Variants in ANKRD6 observed in about 807,000 individuals in gnomAD.
ANKRD6 encodes the protein ankyrin repeat domain 6.
A neutral mutation model predicts 82.3 loss-of-function variants in ANKRD6; 56 were observed. That is an observed-to-expected ratio of 0.68 (90% CI 0.55 to 0.85). The LOEUF (loss-of-function observed/expected upper bound fraction) is 0.85, where lower values mean the gene tolerates loss of function less well. ANKRD6 is among the 40% of genes least tolerant of loss of function. The pLI, the probability that ANKRD6 is intolerant of heterozygous loss-of-function variation, is 0.00. For missense variants in ANKRD6, 852 were observed against 907.6 expected (o/e 0.94, Z 0.79); for synonymous variants, 347 against 352.1 (o/e 0.99, Z 0.16).
rs1461465869 is a variant in ANKRD6, at chr6:89,630,828, T to C, written c.2008T>C (p.Tyr670His). 2 of 1,613,808 alleles carry C rather than the reference T, an allele frequency of 1.2e-6. No homozygotes were observed. Among genetic ancestry groups the C allele is most frequent in the African/African-American group, 2.7e-5 (2 of 74,928 alleles). The part of the protein sequence containing the change: ...DTSQALELTQ[Y>H]FFEAVSTQME... The stretch of plus-strand genomic sequence containing the variant: ...CTCCCAAGCTCTGGAGCTTACCCAG[T>C]ATTTTTTTGAGGCTGTTTCTACCCA... Residue 670 changes from tyrosine (Y) to histidine (H), a missense_variant, in exon 16 of 16, where the codon TAT (tyrosine) becomes CAT (histidine). Tyr to His is a moderately conservative substitution (Grantham distance 83). Coordinates refer to ENST00000339746, the MANE Select transcript of ANKRD6 (RefSeq NM_001242809.2).
rs1465805366 is a variant in ANKRD6, at chr6:89,631,185, A to G, written c.*181A>G. ...TGCCCAGGAAGTTATGAAGACTTCAACAATTAAACTGAAACCAGGGGAAGC... is the reference window on the plus strand; with the variant it reads ...TGCCCAGGAAGTTATGAAGACTTCAGCAATTAAACTGAAACCAGGGGAAGC... On this transcript the variant is annotated 3_prime_UTR_variant, in exon 16 of 16. Transcript: ENST00000339746. 3 of 1,133,408 alleles carry G rather than the reference A, an allele frequency of 2.6e-6. No individual in the cohort carries two copies. Among genetic ancestry groups the G allele is most frequent in the East Asian group, 2.8e-5 (1 of 35,368 alleles). 70.2% of individuals were successfully genotyped at this position (1,133,408 alleles called of 1,614,324 possible).
chr6:89,587,796 A>G (rs1794074070), intron 2 of ANKRD6, among the ~76,000 whole-genome samples: 1 of 152,214 alleles, frequency 6.6e-6, no homozygotes, highest in African/African-American at 2.4e-5. Context: ...CTATTGTCTG[A>G]TTAAGATATG....
At chr6:89,462,061 G>C (rs1021469870) in intron 1 of ANKRD6, among the ~76,000 whole-genome samples, 2 of 151,674 alleles carry the variant, frequency 1.3e-5, no homozygotes, top group African/African-American at 4.8e-5. Flanking sequence ...GTGAAACCCT[G>C]TCTCTACTAA....
At chr6:89,519,512 C>T (rs1419236503) in intron 1 of ANKRD6, among the ~76,000 whole-genome samples, 2 of 152,184 alleles carry the variant, frequency 1.3e-5, no homozygotes, top group Non-Finnish European at 2.9e-5. Flanking sequence ...ATAACGAACA[C>T]TGGAGAAGAC....
intron 1 of ANKRD6, among the ~76,000 whole-genome samples, chr6:89,445,371 A>G (rs907732214): frequency 6.7e-6 from 1 of 150,204 alleles, no homozygotes; most frequent in Non-Finnish European, 1.5e-5. Context: ...CCCAGGTTCA[A>G]GTGATCCTCC....
chr6:89,580,376 C>T (rs1177296535), intron 2 of ANKRD6, among the ~76,000 whole-genome samples: 1 of 152,050 alleles, frequency 6.6e-6, no homozygotes, highest in Non-Finnish European at 1.5e-5. Context: ...GAACTTTAAA[C>T]TTTTAAAAAG....
intron 1 of ANKRD6, among the ~76,000 whole-genome samples, chr6:89,469,668 C>T (rs554016925): frequency 2.6e-5 from 4 of 152,298 alleles, no homozygotes; most frequent in Non-Finnish European, 5.9e-5. Flanking sequence ...TTTCCAGACC[C>T]TTCCAGCTTG....
chr6:89,536,286 A>G (rs550775393), intron 1 of ANKRD6, among the ~76,000 whole-genome samples: 1 of 152,354 alleles, frequency 6.6e-6, no homozygotes, highest in East Asian at 1.9e-4. Flanking sequence ...AAAAAGCTCA[A>G]TAAACATTAG....
At chr6:89,550,736 A>T (rs1785721148) in intron 1 of ANKRD6, among the ~76,000 whole-genome samples, 1 of 152,134 alleles carries the variant, frequency 6.6e-6, no homozygotes. Context: ...AGGGGTGATC[A>T]CTTAAGGTCA....
rs1438390066 is a variant in ANKRD6, at chr6:89,617,962, G to A, written c.723G>A (p.Gln241=). Residue 241 remains glutamine, a synonymous_variant, in exon 9 of 16, where the codon CAG becomes CAA. Coordinates refer to ENST00000339746, the MANE Select transcript of ANKRD6 (RefSeq NM_001242809.2). The stretch of plus-strand genomic sequence containing the variant: ...ACTCTGCCTCTCCTCAGGCAGGCCA[G>A]ACTCCGCTGGAGACTGCCCGCTACC... ...ADTTIVNNAG[Q]TPLETARYHN... The A allele has an allele frequency of 6.2e-7, 1 of 1,613,900 alleles. No homozygotes were observed. Among genetic ancestry groups the A allele is most frequent in the Non-Finnish European group, 8.5e-7 (1 of 1,179,908 alleles).
chr6:89,586,764 A>T (rs956959778), intron 2 of ANKRD6, among the ~76,000 whole-genome samples: 5 of 152,230 alleles, frequency 3.3e-5, no homozygotes, highest in African/African-American at 1.2e-4. Context: ...CTTACCACTC[A>T]GGGACAAGTG....
At chr6:89,624,241 G>A (rs1268467439) in intron 12 of ANKRD6, among the ~76,000 whole-genome samples, 184 bp downstream of exon 12, 1 of 152,192 alleles carries the variant, frequency 6.6e-6, no homozygotes, top group African/African-American at 2.4e-5. Context: ...TAAGGCCAAG[G>A]CAGACAGGGT....
At chr6:89,627,175 G>T (rs1410750784) in intron 13 of ANKRD6, among the ~76,000 whole-genome samples, 5 of 150,406 alleles carry the variant, frequency 3.3e-5, no homozygotes, top group African/African-American at 7.4e-5. Flanking sequence ...TCCTGCCTCA[G>T]CCTCCCAAGT....
intron 1 of ANKRD6, among the ~76,000 whole-genome samples, chr6:89,489,289 G>A (rs1030066610): frequency 2.6e-5 from 4 of 152,164 alleles, no homozygotes; most frequent in Admixed American, 2.0e-4. Flanking sequence ...AAGTTTAAAC[G>A]AGGACAATAA....
intron 1 of ANKRD6, among the ~76,000 whole-genome samples, chr6:89,525,293 CAA>C (rs537500108): frequency 1.2e-4 from 16 of 130,102 alleles, no homozygotes; most frequent in East Asian, 4.5e-4. Context: ...GATCCTATCT[CAA>C]AAAAAAAAAA....
At chr6:89,627,111 C>A (rs980054838) in intron 13 of ANKRD6, among the ~76,000 whole-genome samples, 10 of 144,594 alleles carry the variant, frequency 6.9e-5, no homozygotes, top group African/African-American at 2.5e-4. Context: ...GTCTCTCTCT[C>A]TTTTTTTTTT....
chr6:89,518,675 A>G (rs1040214011), intron 1 of ANKRD6, among the ~76,000 whole-genome samples: 6 of 152,156 alleles, frequency 3.9e-5, no homozygotes, highest in African/African-American at 1.4e-4. Flanking sequence ...GGAATTGAAC[A>G]AAGGCCAAAT....
chr6:89,618,545 AT>A (rs923205805), intron 9 of ANKRD6: 6 of 190,418 alleles, frequency 3.2e-5, no homozygotes, highest in Non-Finnish European at 6.4e-5. Context: ...CCATCATTTA[AT>A]TTTTTTTAAA....
At chr6:89,526,821 G>A (rs1035854285) in intron 1 of ANKRD6, among the ~76,000 whole-genome samples, 1 of 152,338 alleles carries the variant, frequency 6.6e-6, no homozygotes, top group East Asian at 1.9e-4. Flanking sequence ...CTGAAGGCCT[G>A]AAAACCAGAA....
Sources: allele counts gnomAD v4.1 joint callset (sites outside exome capture counted in the v4.1 genomes callset), GRCh38; gene constraint gnomAD v4.1.1; transcripts MANE v1.5; gene names NCBI Gene and HGNC (gene_info 2026-07-23, HGNC 2026-07-21).